The following SLC25A21 variants were observed in gnomAD, a reference collection of about 807,000 sequenced individuals.
SLC25A21 encodes the protein mitochondrial 2-oxodicarboxylate carrier.
In SLC25A21, 47 loss-of-function variants were observed where a neutral mutation model predicts 43.8. The ratio of observed to expected loss-of-function variants is 1.07; its 90% CI spans 0.85 to 1.37. The LOEUF (loss-of-function observed/expected upper bound fraction) is 1.37. Ranked by LOEUF, SLC25A21 falls within the 40% of genes most tolerant of loss-of-function variation. The pLI is 0.00. For missense variants in SLC25A21, 352 were observed against 350.2 expected, an observed-to-expected ratio of 1.00 and a Z score of -0.04; for synonymous variants, 131 against 121.3, an observed-to-expected ratio of 1.08 and a Z score of -0.52.
intron 3 of SLC25A21, among the ~76,000 whole-genome samples, chr14:36,784,844 G>A (rs957970931): frequency 6.6e-6 from 1 of 152,140 alleles, no homozygotes; most frequent in Non-Finnish European, 1.5e-5. Flanking sequence ...TACAAATAAG[G>A]AGAACCCAGG....
chr14:37,153,371 C>T (rs1963792103), intron 1 of SLC25A21, among the ~76,000 whole-genome samples: 1 of 152,218 alleles, frequency 6.6e-6, no homozygotes, highest in Admixed American at 6.5e-5. Flanking sequence ...AGCATTCCCA[C>T]AGCCAGGGAT....
chr14:37,084,276 C>T (rs558436175), intron 1 of SLC25A21, among the ~76,000 whole-genome samples: 1 of 152,164 alleles, frequency 6.6e-6, no homozygotes, highest in Non-Finnish European at 1.5e-5. Context: ...AAGGTTTTAG[C>T]ATTTCTGTTC....
chr14:36,818,016 T>C (rs12323918), intron 2 of SLC25A21, among the ~76,000 whole-genome samples: 8,683 of 152,246 alleles, frequency 0.057, 840 homozygotes, highest in African/African-American at 0.2. Flanking sequence ...CACTCTACTA[T>C]TTGGGGGCTT....
chr14:36,728,556 T>C (rs575612273), intron 5 of SLC25A21, among the ~76,000 whole-genome samples: 51 of 152,212 alleles, frequency 3.4e-4, no homozygotes, highest in Middle Eastern at 6.3e-3. Context: ...AGCTATCTTG[T>C]ATAGGCAAGG....
At chr14:36,823,570 T>C (rs534133952) in intron 2 of SLC25A21, among the ~76,000 whole-genome samples, 3 of 152,158 alleles carry the variant, frequency 2.0e-5, no homozygotes, top group South Asian at 2.1e-4. Flanking sequence ...AACCAACTCA[T>C]ATTTGGGAAA....
chr14:36,894,425 T>A (rs1262912217), intron 1 of SLC25A21, among the ~76,000 whole-genome samples: 2 of 152,228 alleles, frequency 1.3e-5, no homozygotes, highest in Non-Finnish European at 2.9e-5. Context: ...CCTATCAGCT[T>A]AAGGAGATTT....
At chr14:36,915,173 T>C (rs968769310) in intron 1 of SLC25A21, among the ~76,000 whole-genome samples, 1 of 152,134 alleles carries the variant, frequency 6.6e-6, no homozygotes, top group Non-Finnish European at 1.5e-5. Flanking sequence ...TATTTTGTGT[T>C]ATTTTAGCCA....
At chr14:37,111,341 T>G (rs1180382037) in intron 1 of SLC25A21, among the ~76,000 whole-genome samples, 1 of 152,116 alleles carries the variant, frequency 6.6e-6, no homozygotes. Flanking sequence ...CTAAGATCAC[T>G]TCGGTGATTA....
At chr14:36,714,079 T>C (rs1884010039) in intron 6 of SLC25A21, among the ~76,000 whole-genome samples, 1 of 152,234 alleles carries the variant, frequency 6.6e-6, no homozygotes, top group South Asian at 2.1e-4. Flanking sequence ...TCAATGAACT[T>C]AGTCCACTGT....
intron 1 of SLC25A21, among the ~76,000 whole-genome samples, chr14:36,961,560 TC>T (rs1959494066): frequency 6.6e-6 from 1 of 152,142 alleles, no homozygotes; most frequent in African/African-American, 2.4e-5. Context: ...TCACTTTGGC[TC>T]CAGGCCTGGT....
chr14:36,990,466 G>GA (rs1047643845), intron 1 of SLC25A21, among the ~76,000 whole-genome samples: 1 of 151,634 alleles, frequency 6.6e-6, no homozygotes, highest in African/African-American at 2.4e-5. Flanking sequence ...TTTGAGGAGA[G>GA]AAAAAAAAGA....
chr14:37,171,638 TA>T (rs1460092958), intron 1 of SLC25A21, among the ~76,000 whole-genome samples: 1 of 152,242 alleles, frequency 6.6e-6, no homozygotes, highest in African/African-American at 2.4e-5. Flanking sequence ...CAGCTACATT[TA>T]AAAGTATTTC....
At chr14:36,949,198 A>C (rs993598753) in intron 1 of SLC25A21, among the ~76,000 whole-genome samples, 3 of 152,206 alleles carry the variant, frequency 2.0e-5, no homozygotes, top group African/African-American at 2.4e-5. Context: ...TCAAAAGTAC[A>C]TTCCTTTCAA....
intron 1 of SLC25A21, among the ~76,000 whole-genome samples, chr14:37,142,677 T>A (rs1183665823): frequency 1.3e-5 from 2 of 152,166 alleles, no homozygotes; most frequent in African/African-American, 4.8e-5. Context: ...GGGCAAGTCA[T>A]AGTGTTCATG....
chr14:36,755,604 A>T (rs1230919795), intron 3 of SLC25A21, among the ~76,000 whole-genome samples: 1 of 151,986 alleles, frequency 6.6e-6, no homozygotes, highest in African/African-American at 2.4e-5. Flanking sequence ...AAACACTCTC[A>T]ATTTCTGTGC....
intron 1 of SLC25A21, among the ~76,000 whole-genome samples, chr14:37,130,056 A>G (rs1963366137): frequency 7.0e-6 from 1 of 142,518 alleles, no homozygotes; most frequent in Admixed American, 7.4e-5. Context: ...GTTCAAGACC[A>G]GCTGGGCAAC....
chr14:37,087,261 A>G (rs1313181793), intron 1 of SLC25A21, among the ~76,000 whole-genome samples: 1 of 152,246 alleles, frequency 6.6e-6, no homozygotes, highest in Non-Finnish European at 1.5e-5. Flanking sequence ...GGAGCCAATT[A>G]GTCGTATTTT....
At chr14:36,879,635 A>G (rs776554258) in intron 1 of SLC25A21, among the ~76,000 whole-genome samples, 4 of 152,114 alleles carry the variant, frequency 2.6e-5, no homozygotes, top group Non-Finnish European at 4.4e-5. Flanking sequence ...GAACTGCCTC[A>G]AGTACATGCC....
intron 1 of SLC25A21, among the ~76,000 whole-genome samples, chr14:37,048,121 T>C (rs921825570): frequency 6.6e-6 from 1 of 152,196 alleles, no homozygotes; most frequent in African/African-American, 2.4e-5. Flanking sequence ...ACAATGTTTG[T>C]GTACCCATTT....
Sources: gnomAD v4.1 joint callset for allele counts (sites outside exome capture counted in the v4.1 genomes callset) on GRCh38, gnomAD v4.1.1 for gene constraint, MANE v1.5 for transcripts, NCBI Gene and HGNC (gene_info 2026-07-23, HGNC 2026-07-21) for gene names.